The following RANBP3L variants were observed in gnomAD, a reference collection of about 807,000 sequenced individuals.
RANBP3L encodes the protein RAN binding protein 3 like.
RANBP3L carries 56 observed loss-of-function variants against 67.2 expected under a neutral mutation model. That is an observed-to-expected ratio of 0.83 (90% CI 0.67 to 1.04). The LOEUF (loss-of-function observed/expected upper bound fraction) is 1.04. RANBP3L is among the 50% of genes least tolerant of loss of function. The probability of loss-of-function intolerance (pLI) is 0.00; values close to 1 mark genes in which losing one functional copy is unlikely to be tolerated. For missense variants in RANBP3L, 496 were observed against 535.5 expected, an observed-to-expected ratio of 0.93 and a Z score of 0.73; for synonymous variants, 164 against 181.4, an observed-to-expected ratio of 0.90 and a Z score of 0.77.
intron 1 of RANBP3L, among the ~76,000 whole-genome samples, chr5:36,290,155 C>T (rs1282202055): frequency 1.3e-5 from 2 of 150,816 alleles, no homozygotes; most frequent in African/African-American, 2.4e-5. Context: ...CCTTACAATC[C>T]TTTTAATATC....
At position 36,294,021 on chromosome 5, in the gene RANBP3L, C is replaced by T. The variant is rs189561049; in HGVS notation, c.91+7305G>A. On this transcript the variant is annotated intron_variant, in intron 1 of 13. Coordinates refer to ENST00000296604, the MANE Select transcript of RANBP3L (RefSeq NM_145000.5). ...CTCTGATAGAATTCGGCTGTAAATC[C>T]ATCTCTTCCTGGACTCTTTTTGGTT... Among the ~76,000 whole-genome samples the T allele has an allele frequency of 1.4e-4, 22 of 152,290 alleles. 1 individual carries two copies. In the East Asian group the frequency reaches 4.1e-3, roughly 28 times the overall value.
chr5:36,266,323 T>C (rs1160134784), intron 4 of RANBP3L, among the ~76,000 whole-genome samples: 1 of 152,224 alleles, frequency 6.6e-6, no homozygotes, highest in Non-Finnish European at 1.5e-5. Flanking sequence ...ACTGTGGTGG[T>C]GGCTCCGAGT....
chr5:36,257,544 G>T lies in RANBP3L; in HGVS notation c.682C>A (p.Leu228Ile). The T allele has an allele frequency of 1.3e-6, 2 of 1,538,074 alleles. No individual in the cohort carries two copies. The highest frequency in any genetic ancestry group is 1.2e-5 in the South Asian group (1 of 84,946). ...MVERVLGTQKLTQPQLENDSY... is the reference protein window; with the variant it reads ...MVERVLGTQKITQPQLENDSY... ...TCATTTTCAAGTTGAGGCTGGGTGAGTTTTTGAGTACCCTGAGAGCGGAAA... is the reference window on the plus strand; with the variant it reads ...TCATTTTCAAGTTGAGGCTGGGTGATTTTTTGAGTACCCTGAGAGCGGAAA... Residue 228 changes from leucine (L) to isoleucine (I), a missense_variant, in exon 9 of 14, where the codon CTC becomes ATC. Coordinates refer to ENST00000296604, the MANE Select transcript of RANBP3L (RefSeq NM_145000.5).
At position 36,248,663 on chromosome 5, in the gene RANBP3L, G is replaced by A. The variant is rs1386639789; in HGVS notation, c.*991C>T. On this transcript the variant is annotated 3_prime_UTR_variant, in exon 14 of 14. Transcript: ENST00000296604. ...CCCCTAATCAGATAATTGCTTAGGG[G>A]TCACAATCAAAGTCACTTCGAAGCC... 6.6e-6 allele frequency: 1 copy of A among 152,082 alleles called. No individual in the cohort carries two copies. The highest frequency in any genetic ancestry group is 2.4e-5 in the African/African-American group (1 of 41,404). 9.4% of individuals were successfully genotyped at this position (152,082 alleles called of 1,614,324 possible).
At chr5:36,272,708 A>G (rs1750309266) in intron 1 of RANBP3L, among the ~76,000 whole-genome samples, 1 of 152,024 alleles carries the variant, frequency 6.6e-6, no homozygotes, top group African/African-American at 2.4e-5. Flanking sequence ...CCAATGGCTC[A>G]ATCTTGGCTC....
intron 1 of RANBP3L, among the ~76,000 whole-genome samples, chr5:36,296,826 TA>T (rs1357707420): frequency 6.6e-6 from 1 of 152,188 alleles, no homozygotes; most frequent in Non-Finnish European, 1.5e-5. Context: ...GAGTCTCATC[TA>T]ATCAGTCAAA....
At position 36,271,321 on chromosome 5, in the gene RANBP3L, A is replaced by T. The variant is rs767851816; in HGVS notation, c.92-10T>A. The T allele has an allele frequency of 1.3e-6, 2 of 1,548,866 alleles. No homozygotes were observed. The highest frequency in any genetic ancestry group is 1.7e-4 in the Middle Eastern group (1 of 5,836). On this transcript the variant is annotated splice_polypyrimidine_tract_variant and intron_variant, in intron 1 of 13. Coordinates refer to ENST00000296604, the MANE Select transcript of RANBP3L (RefSeq NM_145000.5). ...GCAATGACAGATTTTTCTGTGAAAA[A>T]AAAGAAAACAGGCAAGAAATCAAAG...
intron 4 of RANBP3L, among the ~76,000 whole-genome samples, chr5:36,269,022 A>T (rs1178887705): frequency 6.6e-6 from 1 of 152,058 alleles, no homozygotes; most frequent in Admixed American, 6.6e-5. Context: ...TGGTTACTTT[A>T]AAAATGGCCT....
rs16902915 is a variant in RANBP3L, at chr5:36,278,489, G to A, written c.92-7178C>T. Among the ~76,000 whole-genome samples the A allele has an allele frequency of 6.1e-3, 931 of 152,184 alleles. 7 individuals are homozygous for A. The highest frequency in any genetic ancestry group is 0.021 in the African/African-American group (874 of 41,514). On this transcript the variant is annotated intron_variant, in intron 1 of 13. Transcript: ENST00000296604. ...AATACTTGATAAGCAGTCCTCTAGA[G>A]CACATTCAGATTTCTGTCAACTGAG...
At chr5:36,264,162 G>T (rs1233275008) in intron 6 of RANBP3L, among the ~76,000 whole-genome samples, 1 of 133,032 alleles carries the variant, frequency 7.5e-6, no homozygotes, top group African/African-American at 2.5e-5. Context: ...GTACCAATCT[G>T]GTATTTTTTT....
intron 8 of RANBP3L, among the ~76,000 whole-genome samples, chr5:36,260,360 C>CA (rs1276517049): frequency 0.053 from 4,126 of 78,372 alleles, 301 homozygotes; most frequent in East Asian, 0.21. Flanking sequence ...GACTCTGTCT[C>CA]AAAAAAAAAA....
chr5:36,287,771 A>C (rs941348604), intron 1 of RANBP3L, among the ~76,000 whole-genome samples: 3 of 152,178 alleles, frequency 2.0e-5, no homozygotes, highest in Admixed American at 6.5e-5. Context: ...TTAATAGAGA[A>C]GTTCTAAGCT....
intron 1 of RANBP3L, among the ~76,000 whole-genome samples, chr5:36,278,909 C>A (rs1054876326): frequency 2.6e-5 from 4 of 152,058 alleles, no homozygotes; most frequent in Non-Finnish European, 4.4e-5. Context: ...AAAAGGTCAC[C>A]GGTTGAGATT....
At chr5:36,296,029 C>T (rs1019315336) in intron 1 of RANBP3L, among the ~76,000 whole-genome samples, 2 of 152,120 alleles carry the variant, frequency 1.3e-5, no homozygotes, top group African/African-American at 4.8e-5. Context: ...GGGGAGCTTC[C>T]TGATACTAAG....
intron 1 of RANBP3L, among the ~76,000 whole-genome samples, chr5:36,275,215 A>G (rs1003201124): frequency 5.9e-5 from 9 of 152,320 alleles, no homozygotes; most frequent in African/African-American, 1.9e-4. Flanking sequence ...CTGTGGGTCA[A>G]GTGCTTTTAT....
chr5:36,278,247 T>C (rs1750737266), intron 1 of RANBP3L, among the ~76,000 whole-genome samples: 1 of 152,152 alleles, frequency 6.6e-6, no homozygotes, highest in South Asian at 2.1e-4. Context: ...CTCTCCCATC[T>C]TTTTTATTCT....
rs141670326 is a variant in RANBP3L, at chr5:36,259,280, G to A, written c.669+1500C>T. The stretch of plus-strand genomic sequence containing the variant: ...CCTTTAAAATGACTAACATATGAAA[G>A]CCCTAAAAATTTTGTAATGAGTTTG... On this transcript the variant is annotated intron_variant, in intron 8 of 13. Transcript: ENST00000296604. 3.9e-5 allele frequency among the ~76,000 whole-genome samples: 6 copies of A among 152,248 alleles called. No homozygotes were observed. The East Asian group carries it at 1.2e-3, about 29-fold the overall frequency.
rs768788236 is a variant in RANBP3L, at chr5:36,257,083, T to TG, written c.773-13dup. On this transcript the variant is annotated splice_polypyrimidine_tract_variant and intron_variant, in intron 9 of 13. Coordinates refer to ENST00000296604, the MANE Select transcript of RANBP3L (RefSeq NM_145000.5). Reference sequence around the variant, plus strand: ...AATAGAGTCTGTTCCTAAGAGAAAATGGGGAAAAAACACTTAAAAGTCCCC... The same window carrying TG: ...AATAGAGTCTGTTCCTAAGAGAAAATGGGGGAAAAAACACTTAAAAGTCCCC... 1 of 1,603,196 alleles carries TG rather than the reference T, an allele frequency of 6.2e-7. No individual in the cohort carries two copies. The highest frequency in any genetic ancestry group is 1.3e-5 in the African/African-American group (1 of 74,258).
intron 1 of RANBP3L, among the ~76,000 whole-genome samples, chr5:36,295,775 G>T (rs528931695): frequency 2.7e-5 from 4 of 150,560 alleles, no homozygotes; most frequent in African/African-American, 9.8e-5. Flanking sequence ...TTTCCTAGTG[G>T]ACTCTATTAG....
Sources: gnomAD v4.1 joint callset for allele counts (sites outside exome capture counted in the v4.1 genomes callset) on GRCh38, gnomAD v4.1.1 for gene constraint, MANE v1.5 for transcripts, NCBI Gene and HGNC (gene_info 2026-07-23, HGNC 2026-07-21) for gene names.